VASH1: variants seen among roughly 807,000 people sequenced by gnomAD.
The protein encoded by VASH1 is tubulinyl-Tyr carboxypeptidase 1.
In VASH1, 16 loss-of-function variants were observed where a neutral mutation model predicts 35.0. The ratio of observed to expected loss-of-function variants is 0.46; its 90% CI spans 0.31 to 0.70. The LOEUF is 0.70. Among genes scored for constraint, VASH1 ranks in the 30% least tolerant of loss-of-function variants. VASH1 has a pLI of 0.05. For missense variants in VASH1, 505 were observed against 510.7 expected, an observed-to-expected ratio of 0.99 and a Z score of 0.11; for synonymous variants, 214 against 200.9, an observed-to-expected ratio of 1.07 and a Z score of -0.55.
intron 3 of VASH1, among the ~76,000 whole-genome samples, chr14:76,771,989 C>T (rs191693586): frequency 2.3e-3 from 343 of 152,322 alleles, no homozygotes; most frequent in Admixed American, 7.3e-3. Context: ...CACCTGTAAT[C>T]CCAGCACTTT....
intron 1 of VASH1, 122 bp from the exon 2 acceptor site, chr14:76,769,837 TGGGA>T: frequency 2.3e-6 from 2 of 884,558 alleles, no homozygotes; most frequent in Non-Finnish European, 3.6e-6. Context: ...GAAGCTCAAG[TGGGA>T]GGGAGGGGAG....
At chr14:76,768,370 A>G (rs1307824299) in intron 1 of VASH1, among the ~76,000 whole-genome samples, 1 of 152,146 alleles carries the variant, frequency 6.6e-6, no homozygotes, top group Non-Finnish European at 1.5e-5. Flanking sequence ...CTCCAGACAG[A>G]GACGTCAGCG....
intron 3 of VASH1, among the ~76,000 whole-genome samples, chr14:76,772,343 T>A (rs1228193299): frequency 2.0e-5 from 3 of 152,268 alleles, no homozygotes; most frequent in Admixed American, 1.3e-4. Context: ...TTTAAATGGC[T>A]TATTAGCAAA....
chr14:76,772,099 G>C (rs1019757087), intron 3 of VASH1, among the ~76,000 whole-genome samples: 5 of 152,124 alleles, frequency 3.3e-5, no homozygotes, highest in African/African-American at 1.2e-4. Context: ...AATTAGCTGG[G>C]CGTGGTGGTG....
At chr14:76,775,319 C>A (rs1247580843) in intron 4 of VASH1, among the ~76,000 whole-genome samples, 1 of 151,898 alleles carries the variant, frequency 6.6e-6, no homozygotes, top group Non-Finnish European at 1.5e-5. Flanking sequence ...TGGGAGGCCC[C>A]GGGGGCTGGA....
chr14:76,764,628 A>G (rs1162750311), intron 1 of VASH1, among the ~76,000 whole-genome samples: 4 of 152,040 alleles, frequency 2.6e-5, no homozygotes, highest in Admixed American at 1.3e-4. Flanking sequence ...ACTGTGTGTT[A>G]AAGTATTTAA....
Position 76,782,122 on chromosome 14 carries a change from G to A in VASH1, c.*3104G>A, listed in dbSNP as rs964368775. ...CTGGCTCCTCATGCTCAGTGCCAGG[G>A]GCAGAACACTGGGGAGCCAGGTATA... On this transcript the variant is annotated 3_prime_UTR_variant, in exon 7 of 7. Coordinates refer to ENST00000167106, the MANE Select transcript of VASH1 (RefSeq NM_014909.5). 3.9e-5 allele frequency: 6 copies of A among 152,272 alleles called. No individual in the cohort carries two copies. The highest frequency in any genetic ancestry group is 7.2e-5 in the African/African-American group (3 of 41,418). The allele number at this position is 152,272 out of a possible 1,614,324, so 9.4% of individuals were successfully genotyped here.
chr14:76,782,172 A>C lies in VASH1; in HGVS notation c.*3154A>C, dbSNP rs746967382. On this transcript the variant is annotated 3_prime_UTR_variant, in exon 7 of 7. Transcript: ENST00000167106. ...AGAGAGCCTTCCTGTCATAACTGCCAGTCCTCTTCCTCCAAGGCCTCTGCA... is the reference window on the plus strand; with the variant it reads ...AGAGAGCCTTCCTGTCATAACTGCCCGTCCTCTTCCTCCAAGGCCTCTGCA... 1 of 152,342 alleles carries C rather than the reference A, an allele frequency of 6.6e-6. No individual in the cohort carries two copies. The highest frequency in any genetic ancestry group is 1.5e-5 in the Non-Finnish European group (1 of 68,146). 9.4% of individuals were successfully genotyped at this position (152,342 alleles called of 1,614,324 possible).
At chr14:76,778,141 C>CTTT in intron 6 of VASH1, 70 bp downstream of exon 6, 4 of 931,932 alleles carry the variant, frequency 4.3e-6, no homozygotes, top group South Asian at 2.6e-5. Flanking sequence ...GTGTGGGTCC[C>CTTT]TTTTTTTTTT....
chr14:76,779,386 C>T lies in VASH1; in HGVS notation c.*368C>T, dbSNP rs760709593. ...GTTCTGCTGGTGCCTCTGCCCCTGG[C>T]TTCTCTCTGGGAGTTGGGTGCATCT... On this transcript the variant is annotated 3_prime_UTR_variant, in exon 7 of 7. Coordinates refer to ENST00000167106, the MANE Select transcript of VASH1 (RefSeq NM_014909.5). 1 of 688,588 alleles carries T rather than the reference C, an allele frequency of 1.5e-6. No homozygotes were observed. Among genetic ancestry groups the T allele is most frequent in the Admixed American group, 2.0e-5 (1 of 49,316 alleles). The allele number at this position is 688,588 out of a possible 1,614,324, so 42.7% of individuals were successfully genotyped here.
intron 1 of VASH1, among the ~76,000 whole-genome samples, chr14:76,763,467 G>A (rs545324697): frequency 1.2e-3 from 185 of 152,342 alleles, no homozygotes; most frequent in African/African-American, 3.8e-3. Context: ...AGAACTGTGA[G>A]CAGACAAATG....
chr14:76,777,915 G>C (rs753705009), intron 5 of VASH1, 44 bp from the exon 6 acceptor site: 1 of 1,378,906 alleles, frequency 7.3e-7, no homozygotes, highest in Non-Finnish European at 9.5e-7. Context: ...TTGGGCTCCA[G>C]GGCAGTCCTG....
At chr14:76,778,193 G>A in intron 6 of VASH1, 122 bp downstream of exon 6, 1 of 709,104 alleles carries the variant, frequency 1.4e-6, no homozygotes, top group Non-Finnish European at 2.1e-6. Context: ...TCCCACCCAA[G>A]GGAGGTGACT....
intron 4 of VASH1, chr14:76,774,150 A>C (rs1269731748): frequency 2.0e-5 from 3 of 152,134 alleles, no homozygotes; most frequent in African/African-American, 7.2e-5. Context: ...AGGTCCTGGG[A>C]GGACTGTGAT....
rs1893515105 is a variant in VASH1, at chr14:76,761,948, TGGCTC to T, written c.-869_-865del. Among the ~76,000 whole-genome samples the T allele has an allele frequency of 6.6e-6, 1 of 151,782 alleles. No individual in the cohort carries two copies. Reference sequence around the variant, plus strand: ...GAGCCGCGGGCCCCGTGCCCTGCGATGGCTCGGCTGGTGCAGCGCGGCGCCAGGTG... The same window carrying T: ...GAGCCGCGGGCCCCGTGCCCTGCGATGGCTGGTGCAGCGCGGCGCCAGGTG... On this transcript the variant is annotated 5_prime_UTR_variant, in exon 1 of 7. The change abolishes the stop of an existing upstream ORF in the 5' untranslated region. Coordinates refer to ENST00000167106, the MANE Select transcript of VASH1 (RefSeq NM_014909.5).
intron 1 of VASH1, among the ~76,000 whole-genome samples, chr14:76,768,277 C>T (rs923249617): frequency 6.6e-6 from 1 of 152,224 alleles, no homozygotes; most frequent in Non-Finnish European, 1.5e-5. Context: ...GGGAGCCCCC[C>T]ACCCCGGGTT....
rs1270810111 is a variant in VASH1 at position 76,780,713 on chromosome 14, T to G, written c.*1695T>G. The G allele has an allele frequency of 6.6e-6, 1 of 152,204 alleles. No individual in the cohort carries two copies. The highest frequency in any genetic ancestry group is 1.5e-5 in the Non-Finnish European group (1 of 68,034). 9.4% of individuals were successfully genotyped at this position (152,204 alleles called of 1,614,324 possible). ...CAGAGGCCAGAATTCTGACTTTTTA[T>G]GTGAAATAGGATTTTTAAATGCTGG... On this transcript the variant is annotated 3_prime_UTR_variant, in exon 7 of 7. Coordinates refer to ENST00000167106, the MANE Select transcript of VASH1 (RefSeq NM_014909.5).
At position 76,779,065 on chromosome 14, in the gene VASH1, T is replaced by C. The variant is rs769323232; in HGVS notation, c.*47T>C. On this transcript the variant is annotated 3_prime_UTR_variant, in exon 7 of 7. Transcript: ENST00000167106. ...CCCCACCCACTCTTGGGGGCCAGGA[T>C]CCACCTGCTGGAACCAGCCTTATGC... 1 of 1,597,072 alleles carries C rather than the reference T, an allele frequency of 6.3e-7. No individual in the cohort carries two copies.
chr14:76,776,026 G>A lies in VASH1; in HGVS notation c.665G>A (p.Arg222Gln). 6.2e-7 allele frequency: 1 copy of A among 1,612,378 alleles called. No individual in the cohort carries two copies. Among genetic ancestry groups the A allele is most frequent in the South Asian group, 1.1e-5 (1 of 90,882 alleles). The change falls in exon 5 of 7, where the codon CGG becomes CAG. Residue 222 changes from arginine to glutamine, a missense_variant. Arg to Gln is a conservative substitution (Grantham distance 43). Coordinates refer to ENST00000167106, the MANE Select transcript of VASH1 (RefSeq NM_014909.5). ...AGRYGALGMS[R>Q]REDLMYKPPA... ...CGCTACGGTGCGCTGGGCATGAGTC[G>A]GCGCGAGGACCTGATGTACAAGCCG... is the stretch of plus-strand genomic sequence containing the variant.
Sources: allele counts gnomAD v4.1 joint callset (sites outside exome capture counted in the v4.1 genomes callset), GRCh38; gene constraint gnomAD v4.1.1; transcripts MANE v1.5; gene names NCBI Gene and HGNC (gene_info 2026-07-23, HGNC 2026-07-21).